LRRC51: variants seen among roughly 807,000 people sequenced by gnomAD.
LRRC51 encodes leucine rich repeat containing 51, also known as leucine-rich repeat-containing protein 51.
A neutral mutation model predicts 17.8 loss-of-function variants in LRRC51; 8 were observed. The ratio of observed to expected loss-of-function variants is 0.45; its 90% CI spans 0.26 to 0.81. LRRC51 has a LOEUF of 0.81. LRRC51 is among the 30% of genes least tolerant of loss of function. The pLI, the probability that LRRC51 is intolerant of heterozygous loss-of-function variation, is 0.17. For missense variants in LRRC51, 233 were observed against 239.3 expected, an observed-to-expected ratio of 0.97 and a Z score of 0.17; for synonymous variants, 92 against 96.0, an observed-to-expected ratio of 0.96 and a Z score of 0.24.
chr11:72,083,461 C>T (rs2136470452), intron 1 of LRRC51, among the ~76,000 whole-genome samples: 1 of 152,174 alleles, frequency 6.6e-6, no homozygotes, highest in South Asian at 2.1e-4. Context: ...AGGTCAGATC[C>T]CTCAATTACA....
Position 72,095,048 on chromosome 11 carries a change from G to T in LRRC51, c.389G>T (p.Arg130Leu), listed in dbSNP as rs367956242. The T allele has an allele frequency of 3.1e-6, 5 of 1,613,892 alleles. No individual in the cohort carries two copies. The African/African-American group carries it at 5.3e-5, about 17-fold the overall frequency. ...AAGCTGGCTGTCCTTCCTCGGCTCC[G>T]TAGCCTGACACTCCATGGGAACCCC... ...VNKLAVLPRL[R>L]SLTLHGNPME... Residue 130 changes from arginine to leucine, a missense_variant, in exon 5 of 6, where the codon CGT becomes CTT. By Grantham distance (102) the Arg-to-Leu change is moderately radical (BLOSUM62 -2). Coordinates refer to ENST00000289488, the MANE Select transcript of LRRC51 (RefSeq NM_145309.6).
chr11:72,095,120 A>G, intron 5 of LRRC51, 24 bp downstream of exon 5: 6 of 1,611,956 alleles, frequency 3.7e-6, no homozygotes, highest in East Asian at 2.2e-5. Context: ...CCCTGGAGGT[A>G]GCGTCTAGCT....
intron 4 of LRRC51, among the ~76,000 whole-genome samples, chr11:72,093,907 AAC>A (rs1435307958): frequency 6.6e-6 from 1 of 152,224 alleles, no homozygotes; most frequent in African/African-American, 2.4e-5. Flanking sequence ...CAAGCTACCT[AAC>A]CTCTCAAAAC....
At chr11:72,088,871 T>G in intron 2 of LRRC51, 158 bp from the exon 3 acceptor site, 1 of 795,910 alleles carries the variant, frequency 1.3e-6, no homozygotes, top group South Asian at 1.7e-5. Flanking sequence ...AAGTGCTCTA[T>G]ACATGCAAGG....
chr11:72,089,271 A>G (rs1944717914), intron 3 of LRRC51, 106 bp downstream of exon 3: 1 of 1,553,414 alleles, frequency 6.4e-7, no homozygotes, highest in African/African-American at 1.4e-5. Flanking sequence ...TTCTTCCCAT[A>G]TGCTTGCAGA....
chr11:72,092,384 C>T (rs1944910080), intron 3 of LRRC51, among the ~76,000 whole-genome samples: 1 of 152,204 alleles, frequency 6.6e-6, no homozygotes, highest in Admixed American at 6.5e-5. Context: ...TATTCTTCTA[C>T]CTTTACATCC....
At chr11:72,087,138 A>G (rs962183417) in intron 1 of LRRC51, among the ~76,000 whole-genome samples, 5 of 152,162 alleles carry the variant, frequency 3.3e-5, no homozygotes, top group African/African-American at 1.2e-4. Context: ...TGGTACTGCT[A>G]TTTTTTCAGA....
intron 1 of LRRC51, among the ~76,000 whole-genome samples, chr11:72,081,162 C>G (rs564545334): frequency 2.0e-5 from 3 of 152,338 alleles, no homozygotes; most frequent in African/African-American, 7.2e-5. Flanking sequence ...GTGGCTCACG[C>G]CTGTAATCCC....
intron 1 of LRRC51, chr11:72,085,972 T>C (rs1944509528): frequency 6.4e-6 from 1 of 156,066 alleles, no homozygotes; most frequent in Non-Finnish European, 1.4e-5. Flanking sequence ...GCAGGCCTCC[T>C]TTAAAGCTTC....
At chr11:72,082,691 A>G (rs1327484939) in intron 1 of LRRC51, among the ~76,000 whole-genome samples, 1 of 151,980 alleles carries the variant, frequency 6.6e-6, no homozygotes, top group African/African-American at 2.4e-5. Context: ...TACCTCTTCC[A>G]TTTCCCATCT....
intron 5 of LRRC51, 64 bp from the exon 6 acceptor site, chr11:72,095,315 A>C (rs1285251056): frequency 3.7e-6 from 6 of 1,612,478 alleles, no homozygotes; most frequent in Non-Finnish European, 5.1e-6. Flanking sequence ...GACAACAGCA[A>C]CTAGTGGAGG....
Position 72,096,650 on chromosome 11 carries a change from TG to T in LRRC51, c.*1133del. The stretch of plus-strand genomic sequence containing the variant: ...GCCTTGGGAAATTTATCTAACTCTC[TG>T]GGCCCCTTTGTACTTTTCAGCTTAG... On this transcript the variant is annotated 3_prime_UTR_variant, in exon 6 of 6. Transcript: ENST00000289488. 1 of 1,535,258 alleles carries T rather than the reference TG, an allele frequency of 6.5e-7. No individual in the cohort carries two copies. The highest frequency in any genetic ancestry group is 8.8e-7 in the Non-Finnish European group (1 of 1,140,436).
At chr11:72,093,358 A>G in intron 3 of LRRC51, 138 bp from the exon 4 acceptor site, 1 of 796,918 alleles carries the variant, frequency 1.3e-6, no homozygotes, top group South Asian at 1.5e-5. Context: ...GGGTTGCACT[A>G]GACTCAGGCA....
Position 72,095,014 on chromosome 11 carries a change from G to T in LRRC51, c.355G>T (p.Glu119Ter), listed in dbSNP as rs748130798. The stretch of plus-strand genomic sequence containing the variant: ...CGGCAACAGCATCCAGCGCCTGGGG[G>T]AGGTGAATAAGCTGGCTGTCCTTCC... ...LHGNSIQRLG[E>*]VNKLAVLPRL... Residue 119 changes from glutamate (E) to a stop codon, truncating the protein, a stop_gained, in exon 5 of 6, where the codon GAG becomes TAG. Coordinates refer to ENST00000289488, the MANE Select transcript of LRRC51 (RefSeq NM_145309.6). LOFTEE classifies it high-confidence loss of function. 1.9e-6 allele frequency: 3 copies of T among 1,614,080 alleles called. No homozygotes were observed. The highest frequency in any genetic ancestry group is 2.5e-6 in the Non-Finnish European group (3 of 1,180,028).
chr11:72,095,035 C>G lies in LRRC51; in HGVS notation c.376C>G (p.Leu126Val). 1 of 1,614,044 alleles carries G rather than the reference C, an allele frequency of 6.2e-7. No homozygotes were observed. The highest frequency in any genetic ancestry group is 8.5e-7 in the Non-Finnish European group (1 of 1,180,018). ...GGGGGAGGTGAATAAGCTGGCTGTC[C>G]TTCCTCGGCTCCGTAGCCTGACACT... Reference protein sequence around the residue: ...RLGEVNKLAVLPRLRSLTLHG... With the variant: ...RLGEVNKLAVVPRLRSLTLHG... The change falls in exon 5 of 6, where the codon CTT (leucine) becomes GTT (valine). Residue 126 changes from leucine (L) to valine (V), a missense_variant. Transcript: ENST00000289488.
In LRRC51 at chr11:72,089,071, G is replaced by T. The variant is rs1565315709; in HGVS notation, c.-13G>T. On this transcript the variant is annotated 5_prime_UTR_variant, in exon 3 of 6. It removes an upstream start codon present in the reference 5' UTR. Coordinates refer to ENST00000289488, the MANE Select transcript of LRRC51 (RefSeq NM_145309.6). ...AGGGCACCTGCTTGCACCTTTGAAT[G>T]ATGGCCTGAACTATGAACAAACGGG... The T allele has an allele frequency of 6.2e-7, 1 of 1,613,550 alleles. No homozygotes were observed.
intron 4 of LRRC51, 101 bp downstream of exon 4, chr11:72,093,802 C>A: frequency 9.1e-7 from 1 of 1,098,768 alleles, no homozygotes; most frequent in Non-Finnish European, 1.4e-6. Context: ...AGTAATGAGG[C>A]AGCATGGTAC....
Position 72,096,515 on chromosome 11 carries a change from G to A in LRRC51, c.*995G>A, listed in dbSNP as rs74998525. On this transcript the variant is annotated 3_prime_UTR_variant, in exon 6 of 6. Coordinates refer to ENST00000289488, the MANE Select transcript of LRRC51 (RefSeq NM_145309.6). Reference sequence around the variant, plus strand: ...AGCCTCCCAAAGTGCTAGGATTACAGGATAAGCCACTGCACCTGGCCAGCT... The same window carrying A: ...AGCCTCCCAAAGTGCTAGGATTACAAGATAAGCCACTGCACCTGGCCAGCT... The A allele has an allele frequency of 2.2e-5, 28 of 1,278,654 alleles. No homozygotes were observed. In the East Asian group the frequency reaches 8.7e-4, roughly 40 times the overall value. 79.2% of individuals were successfully genotyped at this position (1,278,654 alleles called of 1,614,324 possible). A position where few individuals can be genotyped will look rare whatever the true frequency, so the allele number is the denominator to read the frequency against.
At chr11:72,090,693 T>A (rs1194128097) in intron 3 of LRRC51, among the ~76,000 whole-genome samples, 3 of 152,194 alleles carry the variant, frequency 2.0e-5, no homozygotes, top group African/African-American at 7.2e-5. Flanking sequence ...TTACAGAATC[T>A]GAAACGGCAG....
Sources: gnomAD v4.1 joint callset for allele counts (sites outside exome capture counted in the v4.1 genomes callset) on GRCh38, gnomAD v4.1.1 for gene constraint, MANE v1.5 for transcripts, NCBI Gene and HGNC (gene_info 2026-07-23, HGNC 2026-07-21) for gene names.